DMD: variants seen among roughly 807,000 people sequenced by gnomAD.
DMD encodes mutant dystrophin.
In DMD, 63 loss-of-function variants were observed where a neutral mutation model predicts 330.1. The ratio of observed to expected loss-of-function variants is 0.19; its 90% CI spans 0.16 to 0.24. The LOEUF is 0.24. Among genes scored for constraint, DMD ranks in the 10% least tolerant of loss-of-function variants. The pLI is 1.00. For synonymous variants in DMD, 1,223 were observed against 959.8 expected (o/e 1.27, Z -5.07); for missense variants, 3,344 against 2,684.1 (o/e 1.25, Z -5.43).
Position 31,444,496 on chromosome X carries a change from T to C in DMD, c.9069A>G (p.Arg3023=), listed in dbSNP as rs1468724369. 8.3e-7 allele frequency: 1 copy of C among 1,211,870 alleles called. No homozygotes were observed. Among genetic ancestry groups the C allele is most frequent in the Non-Finnish European group, 1.1e-6 (1 of 895,502 alleles). ...NLSTLEDLNT[R]WKLLQVAVED... Reference sequence around the variant, plus strand: ...ATGTGCTTACCTGCAGAAGCTTCCATCTGGTGTTCAGGTCTTCCAGAGTGC... The same window carrying C: ...ATGTGCTTACCTGCAGAAGCTTCCACCTGGTGTTCAGGTCTTCCAGAGTGC... The change falls in exon 60 of 79, where the codon AGA becomes AGG. Residue 3023 remains arginine, a synonymous_variant. Transcript: ENST00000357033.
chrX:32,547,086 T>G lies in DMD; in HGVS notation c.1993-1752A>C, dbSNP rs189058629. On this transcript the variant is annotated intron_variant, in intron 16 of 78. Coordinates refer to ENST00000357033, the MANE Select transcript of DMD (RefSeq NM_004006.3). Reference sequence around the variant, plus strand: ...TTTTATTTGAATATTTTTTTAACCATGAGCACACTTTCTTTGCATACAGTG... The same window carrying G: ...TTTTATTTGAATATTTTTTTAACCAGGAGCACACTTTCTTTGCATACAGTG... Among the ~76,000 whole-genome samples the G allele has an allele frequency of 3.6e-3, 405 of 111,331 alleles. 1 individual carries two copies. The highest frequency in any genetic ancestry group is 7.9e-3 in the Admixed American group (82 of 10,406).
intron 30 of DMD, among the ~76,000 whole-genome samples, chrX:32,390,479 A>G (rs1756371702): frequency 9.0e-6 from 1 of 111,174 alleles, no homozygotes; most frequent in Non-Finnish European, 1.9e-5. Context: ...AATCATTTTG[A>G]GTCAATATCA....
chrX:32,326,355 T>A (rs984629225), intron 41 of DMD, among the ~76,000 whole-genome samples: 2 of 112,105 alleles, frequency 1.8e-5, no homozygotes, highest in African/African-American at 6.5e-5. Flanking sequence ...TCTTGATGAG[T>A]TCAGCAGGCA....
At chrX:32,285,198 A>G (rs148855220) in intron 43 of DMD, among the ~76,000 whole-genome samples, 1,974 of 112,051 alleles carry the variant, frequency 0.018, 12 homozygotes, top group Non-Finnish European at 0.029. Flanking sequence ...AGAAACCTCA[A>G]CGGTCCTTAG....
chrX:33,234,013 T>G (rs2148884157), intron 1 of DMD, among the ~76,000 whole-genome samples: 1 of 111,519 alleles, frequency 9.0e-6, no homozygotes, highest in African/African-American at 3.3e-5. Flanking sequence ...TTTAAAAAGT[T>G]TCTCAAGCTT....
intron 7 of DMD, among the ~76,000 whole-genome samples, chrX:32,774,464 T>G (rs2073946511): frequency 9.0e-6 from 1 of 111,659 alleles, no homozygotes; most frequent in Non-Finnish European, 1.9e-5. Flanking sequence ...TACCTGAGAC[T>G]GGGTAATTTA....
chrX:31,578,974 C>T (rs944533242), intron 55 of DMD, among the ~76,000 whole-genome samples: 1 of 111,919 alleles, frequency 8.9e-6, no homozygotes, highest in African/African-American at 3.2e-5. Context: ...AGGCACATGC[C>T]CTGATTGGGT....
chrX:32,437,628 T>G (rs944907098), intron 29 of DMD, among the ~76,000 whole-genome samples: 1 of 112,334 alleles, frequency 8.9e-6, no homozygotes, highest in Non-Finnish European at 1.9e-5. Flanking sequence ...ATCTCACATG[T>G]AGTAGATGTA....
chrX:32,972,956 G>A (rs2092435419), intron 2 of DMD, among the ~76,000 whole-genome samples: 1 of 111,587 alleles, frequency 9.0e-6, no homozygotes, highest in Non-Finnish European at 1.9e-5. Flanking sequence ...GGATGCCATG[G>A]AAGACCAGAG....
chrX:31,284,987 G>A (rs2053086545), intron 62 of DMD, among the ~76,000 whole-genome samples: 1 of 109,206 alleles, frequency 9.2e-6, no homozygotes, highest in Admixed American at 9.8e-5. Flanking sequence ...CGTGTAGACC[G>A]AGATTTTCGA....
At chrX:32,164,529 A>G (rs2096860956) in intron 44 of DMD, among the ~76,000 whole-genome samples, 1 of 112,024 alleles carries the variant, frequency 8.9e-6, no homozygotes, top group Non-Finnish European at 1.9e-5. Context: ...GGTATCTGAC[A>G]GAAGAAATTT....
At chrX:31,183,591 A>C (rs2041397465) in intron 67 of DMD, among the ~76,000 whole-genome samples, 1 of 111,804 alleles carries the variant, frequency 8.9e-6, no homozygotes, top group African/African-American at 3.2e-5. Context: ...CAATGATCTC[A>C]ACAATCTCAA....
chrX:32,096,797 C>G (rs1014638552), intron 44 of DMD, among the ~76,000 whole-genome samples: 3 of 111,696 alleles, frequency 2.7e-5, no homozygotes, highest in Non-Finnish European at 5.6e-5. Context: ...AGTCAACCAT[C>G]ATTAAGACAA....
Position 33,256,992 on chromosome X carries a change from A to G in DMD, c.7+82267T>C, listed in dbSNP as rs781780602. ...GAACAATTCTAGTCACCATTTTACG[A>G]TATGTGCAAAAATTCAGGGACTGTA... On this transcript the variant is annotated intron_variant, in intron 1 of 17. Coordinates refer to the DMD transcript ENST00000288447. 8.1e-5 allele frequency among the ~76,000 whole-genome samples: 9 copies of G among 110,587 alleles called. No homozygotes were observed. In the South Asian group the frequency reaches 1.5e-3, roughly 19 times the overall value.
rs181157810 is a variant in DMD, at chrX:32,677,422, A to T, written c.960+20448T>A. 3.1e-3 allele frequency among the ~76,000 whole-genome samples: 350 copies of T among 111,714 alleles called. 4 individuals are homozygous for T. The highest frequency in any genetic ancestry group is 0.011 in the African/African-American group (329 of 30,905). ...ACATTAATTTCATTAACAAAAAGAA[A>T]TACAAGACCAAAGAAGTTGACCTCT... On this transcript the variant is annotated intron_variant, in intron 9 of 78. Coordinates refer to ENST00000357033, the MANE Select transcript of DMD (RefSeq NM_004006.3).
intron 44 of DMD, among the ~76,000 whole-genome samples, chrX:32,034,399 T>C (rs748439619): frequency 1.8e-5 from 2 of 111,850 alleles, no homozygotes; most frequent in Non-Finnish European, 3.8e-5. Flanking sequence ...AAACATAAAC[T>C]TGACTATAGA....
At chrX:31,547,843 T>C (rs900386989) in intron 55 of DMD, among the ~76,000 whole-genome samples, 3 of 112,104 alleles carry the variant, frequency 2.7e-5, no homozygotes, top group Non-Finnish European at 5.6e-5. Context: ...ATGAAAGAGA[T>C]AAAAGATGAA....
intron 9 of DMD, among the ~76,000 whole-genome samples, chrX:32,650,946 A>C (rs1247570509): frequency 9.0e-6 from 1 of 111,576 alleles, no homozygotes; most frequent in Non-Finnish European, 1.9e-5. Flanking sequence ...AGAAATTAGT[A>C]GGATGAGGAA....
intron 1 of DMD, among the ~76,000 whole-genome samples, chrX:33,259,587 T>G: frequency 1.1e-5 from 1 of 93,126 alleles, no homozygotes; most frequent in Non-Finnish European, 2.1e-5. Context: ...AATGTAAATA[T>G]TTCAAAATCG....
Sources: allele counts gnomAD v4.1 joint callset (sites outside exome capture counted in the v4.1 genomes callset), GRCh38; gene constraint gnomAD v4.1.1; transcripts MANE v1.5; gene names NCBI Gene and HGNC (gene_info 2026-07-23, HGNC 2026-07-21).